The following MGAT5 variants were observed in gnomAD, a reference collection of about 807,000 sequenced individuals.
MGAT5 encodes the protein alpha-1,6-mannosylglycoprotein 6-beta-N-acetylglucosaminyltransferase A.
Under a neutral mutation model 94.3 loss-of-function variants are expected in MGAT5, and 30 were observed. The observed-to-expected ratio is 0.32, with a 90% CI of 0.24 to 0.43. The LOEUF is 0.43. MGAT5 is among the 20% of genes least tolerant of loss of function. The probability of loss-of-function intolerance (pLI) is 1.00; values close to 1 mark genes in which losing one functional copy is unlikely to be tolerated. For missense variants in MGAT5, 691 were observed against 905.5 expected (o/e 0.76, Z 3.04); for synonymous variants, 310 against 322.9 (o/e 0.96, Z 0.43).
At chr2:134,372,479 C>T (rs964056437) in intron 10 of MGAT5, among the ~76,000 whole-genome samples, 2 of 152,326 alleles carry the variant, frequency 1.3e-5, no homozygotes, top group Non-Finnish European at 2.9e-5. Flanking sequence ...AGCACTGTCT[C>T]GTAGCCTCTT....
chr2:134,199,468 CT>C (rs1679662748), intron 1 of MGAT5, among the ~76,000 whole-genome samples: 2 of 151,142 alleles, frequency 1.3e-5, no homozygotes, highest in African/African-American at 4.9e-5. Context: ...GGGCTGGCTG[CT>C]GGCTGCAACT....
intron 1 of MGAT5, among the ~76,000 whole-genome samples, chr2:134,187,953 C>T (rs1269604335): frequency 2.0e-5 from 3 of 152,154 alleles, no homozygotes; most frequent in Non-Finnish European, 4.4e-5. Context: ...AGAGATTCCG[C>T]CTGTGGTGAA....
At chr2:134,198,013 A>G (rs187646424) in intron 1 of MGAT5, among the ~76,000 whole-genome samples, 2 of 152,282 alleles carry the variant, frequency 1.3e-5, no homozygotes, top group East Asian at 3.9e-4. Context: ...TCCTGCTCCT[A>G]TGGAAGAAAG....
chr2:134,198,567 G>A (rs1679612159), intron 1 of MGAT5, among the ~76,000 whole-genome samples: 1 of 152,192 alleles, frequency 6.6e-6, no homozygotes, highest in Non-Finnish European at 1.5e-5. Context: ...TTGGTGTAGG[G>A]GAGCATAGTC....
At chr2:134,169,796 G>T (rs1688122704) in intron 1 of MGAT5, among the ~76,000 whole-genome samples, 1 of 152,108 alleles carries the variant, frequency 6.6e-6, no homozygotes, top group Non-Finnish European at 1.5e-5. Context: ...AGGGCCTTTT[G>T]GTTTCTTGGT....
chr2:134,253,883 T>G (rs1682768459), upstream of MGAT5, among the ~76,000 whole-genome samples: 1 of 152,202 alleles, frequency 6.6e-6, no homozygotes, highest in South Asian at 2.1e-4. Flanking sequence ...TTTGTAAGCT[T>G]AAGTTACAGG....
chr2:134,367,206 A>C (rs1680486969), intron 10 of MGAT5, among the ~76,000 whole-genome samples: 1 of 152,236 alleles, frequency 6.6e-6, no homozygotes. Context: ...GGTGCACAGT[A>C]AGTCTAAATA....
At chr2:134,317,096 G>C (rs80080607) in intron 2 of MGAT5, among the ~76,000 whole-genome samples, 1 of 152,144 alleles carries the variant, frequency 6.6e-6, no homozygotes, top group Admixed American at 6.5e-5. Flanking sequence ...GGCTTTCTCA[G>C]TTCATGCAGT....
intron 2 of MGAT5, among the ~76,000 whole-genome samples, chr2:134,298,561 G>A (rs1482924476): frequency 2.6e-5 from 4 of 152,104 alleles, no homozygotes; most frequent in South Asian, 2.1e-4. Flanking sequence ...GACACCATGC[G>A]GATCATATTC....
intron 1 of MGAT5, among the ~76,000 whole-genome samples, chr2:134,188,754 T>C (rs1689169158): frequency 7.3e-6 from 1 of 136,754 alleles, no homozygotes; most frequent in Non-Finnish European, 1.5e-5. Context: ...ACCCCATCAG[T>C]TAAAGGGTAT....
intron 1 of MGAT5, among the ~76,000 whole-genome samples, chr2:134,197,914 C>A (rs1453084969): frequency 6.6e-6 from 1 of 152,098 alleles, no homozygotes; most frequent in Non-Finnish European, 1.5e-5. Flanking sequence ...AGATTTTTTT[C>A]TACTCCTGTT....
At chr2:134,337,902 C>T (rs1407809847) in intron 5 of MGAT5, among the ~76,000 whole-genome samples, 1 of 152,144 alleles carries the variant, frequency 6.6e-6, no homozygotes, top group Non-Finnish European at 1.5e-5. Flanking sequence ...GTCTGCTGTC[C>T]TGTGGTAGAT....
chr2:134,302,785 T>C (rs947917064), intron 2 of MGAT5, among the ~76,000 whole-genome samples: 4 of 148,634 alleles, frequency 2.7e-5, no homozygotes, highest in South Asian at 2.1e-4. Context: ...CCAGCCTCCT[T>C]CTTCTGACGA....
At chr2:134,344,896 CTT>C in intron 7 of MGAT5, 32 bp from the exon 8 acceptor site, 2 of 1,601,720 alleles carry the variant, frequency 1.2e-6, no homozygotes, top group Non-Finnish European at 8.5e-7. Flanking sequence ...TGATTTTTCT[CTT>C]TTTTCTCCCC....
At position 134,448,912 on chromosome 2, in the gene MGAT5, G is replaced by A; in HGVS notation, c.*65G>A. The A allele has an allele frequency of 6.5e-7, 1 of 1,529,014 alleles. No individual in the cohort carries two copies. The highest frequency in any genetic ancestry group is 8.9e-7 in the Non-Finnish European group (1 of 1,120,670). The allele number at this position is 1,529,014 out of a possible 1,614,324, so 94.7% of individuals were successfully genotyped here. ...ACAGTGGCCCCAGCCCCGTCAGGCA[G>A]GGCCAGGGACAGAAGTCATGCAGGG... On this transcript the variant is annotated 3_prime_UTR_variant, in exon 16 of 16. Coordinates refer to ENST00000281923, the MANE Select transcript of MGAT5 (RefSeq NM_002410.5).
chr2:134,305,794 G>A (rs1030162645), intron 2 of MGAT5, among the ~76,000 whole-genome samples: 2 of 152,144 alleles, frequency 1.3e-5, no homozygotes, highest in Non-Finnish European at 2.9e-5. Context: ...AACTGCATGT[G>A]AGAAGAGGGG....
At chr2:134,335,818 A>T (rs1688300866) in intron 4 of MGAT5, among the ~76,000 whole-genome samples, 1 of 152,106 alleles carries the variant, frequency 6.6e-6, no homozygotes, top group East Asian at 1.9e-4. Flanking sequence ...GCAGATAAGG[A>T]TCTTTCCTGT....
At chr2:134,418,449 A>G (rs1291249429) in intron 12 of MGAT5, among the ~76,000 whole-genome samples, 1 of 152,178 alleles carries the variant, frequency 6.6e-6, no homozygotes, top group East Asian at 1.9e-4. Flanking sequence ...CATCAGTCCT[A>G]GGCTCCCCCA....
At chr2:134,438,952 A>G (rs1350626085) in intron 14 of MGAT5, among the ~76,000 whole-genome samples, 2 of 152,108 alleles carry the variant, frequency 1.3e-5, no homozygotes, top group African/African-American at 2.4e-5. Context: ...TTTCCTGCCA[A>G]CTCTTCAGTG....
Sources: gnomAD v4.1 joint callset for allele counts (sites outside exome capture counted in the v4.1 genomes callset) on GRCh38, gnomAD v4.1.1 for gene constraint, MANE v1.5 for transcripts, NCBI Gene and HGNC (gene_info 2026-07-23, HGNC 2026-07-21) for gene names.